PCDHA2: variants seen among roughly 807,000 people sequenced by gnomAD.
PCDHA2 encodes protocadherin alpha 2, also known as protocadherin alpha-2.
In PCDHA2, 58 loss-of-function variants were observed where a neutral mutation model predicts 66.0. The ratio of observed to expected loss-of-function variants is 0.88; its 90% CI spans 0.71 to 1.09. PCDHA2 has a LOEUF of 1.09. Among genes scored for constraint, PCDHA2 ranks in the 50% least tolerant of loss-of-function variants. The pLI, the probability that PCDHA2 is intolerant of heterozygous loss-of-function variation, is 0.00. For missense variants in PCDHA2, 1,267 were observed against 1,242.3 expected (o/e 1.02, Z -0.30); for synonymous variants, 634 against 554.0 (o/e 1.14, Z -2.03).
At chr5:140,889,949 A>G (rs1444545834) in intron 1 of PCDHA2, among the ~76,000 whole-genome samples, 1 of 152,202 alleles carries the variant, frequency 6.6e-6, no homozygotes, top group South Asian at 2.1e-4. Flanking sequence ...GAGAAGCCAA[A>G]TGGATAGAAA....
At chr5:140,975,765 CAG>C (rs1179625862) in intron 1 of PCDHA2, among the ~76,000 whole-genome samples, 1 of 152,220 alleles carries the variant, frequency 6.6e-6, no homozygotes, top group Non-Finnish European at 1.5e-5. Flanking sequence ...TCATAAATCA[CAG>C]ATAATACCAT....
At chr5:140,909,942 T>G (rs577556804) in intron 1 of PCDHA2, among the ~76,000 whole-genome samples, 1 of 152,304 alleles carries the variant, frequency 6.6e-6, no homozygotes, top group Non-Finnish European at 1.5e-5. Flanking sequence ...GTTACTCTGG[T>G]AAAAAGCCGT....
intron 1 of PCDHA2, chr5:140,969,073 G>A (rs781937942): frequency 1.4e-5 from 23 of 1,613,974 alleles, no homozygotes; most frequent in South Asian, 5.5e-5. Context: ...CCAGGATACC[G>A]CATGGCCTCA....
At position 140,796,446 on chromosome 5, in the gene PCDHA2, G is replaced by A. The variant is rs1328451304; in HGVS notation, c.1482G>A (p.Leu494=). Residue 494 remains leucine (L), a synonymous_variant, in exon 1 of 4, where the codon CTG becomes CTA. Transcript: ENST00000526136. Reference sequence around the variant, plus strand: ...AGAACGCGCTGGTGTCCTACTCGCTGGTGGAGCGGCGGGTGGGCGAGCGCG... The same window carrying A: ...AGAACGCGCTGGTGTCCTACTCGCTAGTGGAGCGGCGGGTGGGCGAGCGCG... ...AQENALVSYS[L]VERRVGERAL... is the part of the protein sequence containing the mutation. 1 of 1,613,266 alleles carries A rather than the reference G, an allele frequency of 6.2e-7. No individual in the cohort carries two copies. Among genetic ancestry groups the A allele is most frequent in the Non-Finnish European group, 8.5e-7 (1 of 1,179,918 alleles).
intron 1 of PCDHA2, chr5:140,841,584 C>G (rs2150318562): frequency 1.2e-6 from 2 of 1,614,028 alleles, no homozygotes; most frequent in South Asian, 1.1e-5. Flanking sequence ...TTTGTGAATT[C>G]TCGGATCGAC....
chr5:140,795,505 G>C lies in PCDHA2; in HGVS notation c.541G>C (p.Asp181His), dbSNP rs1314870723. ...CAGCTCCAGTGAGTTTTTCTTCCTA[G>C]ATATACAGGCAAATGATGAACTAAG... ...KLSSSEFFFL[D>H]IQANDELSES... The change falls in exon 1 of 4, where the codon GAT becomes CAT. Residue 181 changes from aspartate (D) to histidine (H), a missense_variant. By Grantham distance (81) the Asp-to-His change is moderately conservative (BLOSUM62 -1). Coordinates refer to ENST00000526136, the MANE Select transcript of PCDHA2 (RefSeq NM_018905.3). The C allele has an allele frequency of 1.2e-6, 2 of 1,614,008 alleles. No individual in the cohort carries two copies. The highest frequency in any genetic ancestry group is 2.7e-5 in the African/African-American group (2 of 74,928).
At chr5:140,871,288 G>A (rs1254609310) in intron 1 of PCDHA2, 2 of 1,613,786 alleles carry the variant, frequency 1.2e-6, no homozygotes, top group Non-Finnish European at 1.7e-6. Context: ...GCCCACTGAG[G>A]GCGCGTGCGC....
At chr5:140,940,139 C>G (rs984432706) in intron 1 of PCDHA2, among the ~76,000 whole-genome samples, 16 of 152,010 alleles carry the variant, frequency 1.1e-4, no homozygotes, top group Admixed American at 1.0e-3. Context: ...TAGTGATAAA[C>G]TATTATAGTT....
chr5:140,808,859 G>A (rs267600385), intron 1 of PCDHA2: 1 of 1,613,150 alleles, frequency 6.2e-7, no homozygotes, highest in East Asian at 2.2e-5. Flanking sequence ...CGTGCTGGAC[G>A]AAAACGACAA....
chr5:140,876,454 C>A, intron 1 of PCDHA2: 2 of 1,613,996 alleles, frequency 1.2e-6, no homozygotes, highest in Non-Finnish European at 1.7e-6. Context: ...TAAAGGGATT[C>A]CTTCCATGGC....
intron 1 of PCDHA2, among the ~76,000 whole-genome samples, chr5:140,905,881 T>C (rs1241086266): frequency 1.3e-5 from 2 of 152,080 alleles, no homozygotes; most frequent in Non-Finnish European, 2.9e-5. Context: ...GGCCCAACAA[T>C]AGGCCATCTG....
At chr5:140,906,766 C>T (rs1162031965) in intron 1 of PCDHA2, among the ~76,000 whole-genome samples, 1 of 152,224 alleles carries the variant, frequency 6.6e-6, no homozygotes, top group African/African-American at 2.4e-5. Flanking sequence ...TACTAAGAGA[C>T]ACCCTAAGGG....
chr5:140,863,307 C>T (rs782595794), intron 1 of PCDHA2: 9 of 1,462,494 alleles, frequency 6.2e-6, no homozygotes, highest in Non-Finnish European at 6.5e-6. Context: ...TCGCCATCTG[C>T]GTGGTGTCCA....
intron 1 of PCDHA2, among the ~76,000 whole-genome samples, chr5:140,976,011 CTAAA>C (rs2096695708): frequency 6.6e-6 from 1 of 152,110 alleles, no homozygotes; most frequent in African/African-American, 2.4e-5. Context: ...TATTAAAGAA[CTAAA>C]TAATCACAGT....
rs1305231081 is a variant in PCDHA2 at position 141,010,857 on chromosome 5, G to A, written c.*920G>A. The A allele has an allele frequency of 6.5e-6, 1 of 153,732 alleles. No homozygotes were observed. The highest frequency in any genetic ancestry group is 2.4e-5 in the African/African-American group (1 of 41,448). 9.5% of individuals were successfully genotyped at this position (153,732 alleles called of 1,614,324 possible). ...ATAGATTTATTTAAAAAAAGAGAAAGTCTATAGCTATAAATCTTTAAAGAG... is the reference window on the plus strand; with the variant it reads ...ATAGATTTATTTAAAAAAAGAGAAAATCTATAGCTATAAATCTTTAAAGAG... On this transcript the variant is annotated 3_prime_UTR_variant, in exon 4 of 4. Transcript: ENST00000526136.
chr5:140,849,883 T>C lies in PCDHA2; in HGVS notation c.2388+52531T>C, dbSNP rs2150456208. The C allele has an allele frequency of 4.4e-6, 7 of 1,598,290 alleles. No homozygotes were observed. Among genetic ancestry groups the C allele is most frequent in the Non-Finnish European group, 6.0e-6 (7 of 1,167,932 alleles). ...TTCGCGCAGTCCGAGTACACGGTGTTCGTGAAGGAGAACAACCCGCCGGGC... is the reference window on the plus strand; with the variant it reads ...TTCGCGCAGTCCGAGTACACGGTGTCCGTGAAGGAGAACAACCCGCCGGGC... On this transcript the variant is annotated intron_variant, in intron 1 of 3. Transcript: ENST00000526136.
At chr5:140,996,591 T>TC (rs201351256) in intron 3 of PCDHA2, among the ~76,000 whole-genome samples, 1,577 of 152,202 alleles carry the variant, frequency 0.01, 12 homozygotes, top group Middle Eastern at 0.058. Flanking sequence ...AAGGGCCGCC[T>TC]CCCCCCATTT....
intron 1 of PCDHA2, chr5:140,857,825 G>C: frequency 6.3e-7 from 1 of 1,597,886 alleles, no homozygotes; most frequent in Middle Eastern, 1.7e-4. Context: ...GGTGGCTAAG[G>C]TGCGCGCAGT....
chr5:140,877,015 G>T lies in PCDHA2; in HGVS notation c.2388+79663G>T, dbSNP rs371309003. The T allele has an allele frequency of 1.6e-5, 26 of 1,612,358 alleles. No individual in the cohort carries two copies. Among genetic ancestry groups the T allele is most frequent in the African/African-American group, 4.0e-5 (3 of 74,900 alleles). On this transcript the variant is annotated intron_variant, in intron 1 of 3. Transcript: ENST00000526136. The stretch of plus-strand genomic sequence containing the variant: ...CTACGTGTCGGTGCACGCGGAGAGC[G>T]GCAAGGTGTACGCGCTGCAGCCGCT...
Sources: gnomAD v4.1 joint callset for allele counts (sites outside exome capture counted in the v4.1 genomes callset) on GRCh38, gnomAD v4.1.1 for gene constraint, MANE v1.5 for transcripts, NCBI Gene and HGNC (gene_info 2026-07-23, HGNC 2026-07-21) for gene names.